Variants in UBAP1 observed in about 807,000 individuals in gnomAD.
UBAP1 encodes ubiquitin associated protein 1, also known as ubiquitin-associated protein 1.
In UBAP1, 5 loss-of-function variants were observed where a neutral mutation model predicts 39.0. The ratio of observed to expected loss-of-function variants is 0.13; its 90% confidence interval spans 0.07 to 0.27. The LOEUF (loss-of-function observed/expected upper bound fraction) is 0.27, where lower values mean the gene tolerates loss of function less well. UBAP1 is among the 10% of genes least tolerant of loss of function. The pLI, the probability that UBAP1 is intolerant of heterozygous loss-of-function variation, is 1.00. For synonymous variants in UBAP1, 211 were observed against 225.1 expected (o/e 0.94, Z 0.56); for missense variants, 490 against 608.1 (o/e 0.81, Z 2.04).
Position 34,241,802 on chromosome 9 carries a change from A to G in UBAP1, c.777A>G (p.Ala259=). ...SSKVSLPPIP[A]VSNIKSLSFP... The stretch of plus-strand genomic sequence containing the variant: ...AAGTGTCCCTCCCCCCTATACCTGC[A>G]GTAAGCAATATCAAATCCCTGTCTT... Residue 259 remains alanine, a synonymous_variant, in exon 4 of 7, where the codon GCA becomes GCG. Coordinates refer to ENST00000297661, the MANE Select transcript of UBAP1 (RefSeq NM_016525.5). The G allele has an allele frequency of 6.2e-7, 1 of 1,614,136 alleles. No individual in the cohort carries two copies.
chr9:34,251,395 A>G lies in UBAP1; in HGVS notation c.1372A>G (p.Met458Val). The change falls in exon 7 of 7, where the codon ATG (methionine) becomes GTG (valine). Residue 458 changes from methionine (M) to valine (V), a missense_variant. Around this residue, in one of 3 missense-constraint regions of UBAP1, gnomAD observed 339 missense variants for 390.0 expected, o/e 0.87. Coordinates refer to ENST00000297661, the MANE Select transcript of UBAP1 (RefSeq NM_016525.5). ...EMHQCSEEKMMEFLQLMSKFK... is the reference protein window; with the variant it reads ...EMHQCSEEKMVEFLQLMSKFK... ...TGTGTTCTCTTCTCTCCCTTAGATG[A>G]TGGAGTTTCTTCAGTTAATGAGCAA... 2.5e-6 allele frequency: 4 copies of G among 1,614,118 alleles called. No homozygotes were observed. Among genetic ancestry groups the G allele is most frequent in the Non-Finnish European group, 3.4e-6 (4 of 1,179,984 alleles).
In UBAP1 at chr9:34,196,898, TTGTGTGTGTG is replaced by T. The variant is rs777008697; in HGVS notation, c.-8+17688_-8+17697del. Among the ~76,000 whole-genome samples the T allele has an allele frequency of 4.5e-3, 630 of 141,426 alleles. 5 individuals carry two copies. Among genetic ancestry groups the T allele is most frequent in the African/African-American group, 0.015 (583 of 38,108 alleles). 92.8% of individuals were successfully genotyped at this position (141,426 alleles called of 152,430 possible). A position where few individuals can be genotyped will look rare whatever the true frequency, so the allele number is the denominator to read the frequency against. On this transcript the variant is annotated intron_variant, in intron 1 of 6. Coordinates refer to ENST00000297661, the MANE Select transcript of UBAP1 (RefSeq NM_016525.5). ...TGTATTGTCTTTCTAATATTGTTAT[TTGTGTGTGTG>T]TGTGTGTGTGTGTGTGTGTGTGTGT...
At chr9:34,240,380 AC>A (rs1454654471) in intron 3 of UBAP1, among the ~76,000 whole-genome samples, 1 of 151,724 alleles carries the variant, frequency 6.6e-6, no homozygotes, top group Non-Finnish European at 1.5e-5. Context: ...CCCCTTTTTT[AC>A]TTTTAGTGTG....
At chr9:34,229,012 T>C (rs1263168847) in intron 2 of UBAP1, among the ~76,000 whole-genome samples, 1 of 152,200 alleles carries the variant, frequency 6.6e-6, no homozygotes, top group Admixed American at 6.6e-5. Context: ...TTGGGGGATG[T>C]ACTAAATAAA....
chr9:34,236,139 C>T (rs569969685), intron 3 of UBAP1, among the ~76,000 whole-genome samples: 5 of 152,150 alleles, frequency 3.3e-5, no homozygotes, highest in African/African-American at 9.6e-5. Context: ...GGATTACAAG[C>T]GTGAGCCACT....
intron 1 of UBAP1, among the ~76,000 whole-genome samples, chr9:34,186,486 C>T (rs1830413120): frequency 6.6e-6 from 1 of 152,114 alleles, no homozygotes; most frequent in Admixed American, 6.6e-5. Context: ...AGTCAAGAGC[C>T]AGCAGTGTGT....
intron 1 of UBAP1, among the ~76,000 whole-genome samples, chr9:34,218,453 T>C (rs1832471551): frequency 1.3e-5 from 2 of 152,104 alleles, no homozygotes; most frequent in African/African-American, 2.4e-5. Flanking sequence ...ACAGCTGATA[T>C]CACACAATTT....
chr9:34,180,504 A>G (rs1259707069), intron 1 of UBAP1, among the ~76,000 whole-genome samples: 2 of 149,508 alleles, frequency 1.3e-5, no homozygotes, highest in African/African-American at 5.0e-5. Context: ...CGAGACTCCG[A>G]CTCAAAAAAA....
At position 34,241,652 on chromosome 9, in the gene UBAP1, A is replaced by T. The variant is rs1268027281; in HGVS notation, c.627A>T (p.Leu209Phe). ...CCAGGGGAGGCTCTGGGTCTGTGTT[A>T]CAGGATGAGGAGGTCCTGGCATCCT... ...NLPRGGSGSV[L>F]QDEEVLASLE... is the part of the protein sequence containing the mutation. Residue 209 changes from leucine to phenylalanine, a missense_variant, in exon 4 of 7, where the codon TTA (leucine) becomes TTT (phenylalanine). Leu to Phe is a conservative substitution (Grantham distance 22). This residue lies in a region of UBAP1 where 339 missense variants were observed against 390.0 expected (regional missense o/e 0.87). Transcript: ENST00000297661. The T allele has an allele frequency of 3.7e-6, 6 of 1,614,090 alleles. No individual in the cohort carries two copies. In the Admixed American group the frequency reaches 1.0e-4, roughly 27 times the overall value.
At chr9:34,224,912 C>T (rs1832965277) in intron 2 of UBAP1, among the ~76,000 whole-genome samples, 1 of 152,182 alleles carries the variant, frequency 6.6e-6, no homozygotes, top group African/African-American at 2.4e-5. Context: ...AGTTCATAGA[C>T]TTGCTTTCTT....
intron 1 of UBAP1, among the ~76,000 whole-genome samples, chr9:34,217,576 T>C (rs1832399108): frequency 1.3e-5 from 2 of 151,708 alleles, no homozygotes; most frequent in Admixed American, 1.3e-4. Context: ...AATTTTTGTT[T>C]TTTCAACTTT....
At chr9:34,216,642 ATTTTTTT>A (rs57204146) in intron 1 of UBAP1, among the ~76,000 whole-genome samples, 8 of 70,186 alleles carry the variant, frequency 1.1e-4, no homozygotes, top group Non-Finnish European at 1.6e-4. Flanking sequence ...CACCATGCTA[ATTTTTTT>A]TTTTTTTTTT....
chr9:34,182,605 TTC>T (rs1340144164), intron 1 of UBAP1, among the ~76,000 whole-genome samples: 3 of 150,802 alleles, frequency 2.0e-5, no homozygotes, highest in Non-Finnish European at 2.9e-5. Flanking sequence ...TTTTTTCTTT[TTC>T]TTTCTTTCCT....
chr9:34,215,609 C>T (rs539477347), intron 1 of UBAP1, among the ~76,000 whole-genome samples: 2 of 151,568 alleles, frequency 1.3e-5, no homozygotes, highest in South Asian at 2.1e-4. Flanking sequence ...ATGGGTGCAC[C>T]GAAATCTCAC....
chr9:34,227,181 G>C (rs752736903), intron 2 of UBAP1, among the ~76,000 whole-genome samples: 2 of 152,188 alleles, frequency 1.3e-5, no homozygotes, highest in Non-Finnish European at 2.9e-5. Flanking sequence ...TTTGTTGTTA[G>C]GATATGAGTA....
intron 1 of UBAP1, among the ~76,000 whole-genome samples, chr9:34,189,342 C>T (rs758035291): frequency 1.3e-5 from 2 of 151,886 alleles, no homozygotes; most frequent in Non-Finnish European, 2.9e-5. Context: ...GCACGTGCCA[C>T]CATGCCTGGC....
At chr9:34,219,714 TCCCTTCCCCTCCCCTCCCCCTCC>T (rs1274433862) in intron 1 of UBAP1, among the ~76,000 whole-genome samples, 1 of 42,100 alleles carries the variant, frequency 2.4e-5, no homozygotes. Context: ...TCCTCTCCCC[TCCCTTCCCCTCCCCTCCCCCTCC>T]CCCTTCCCCT....
rs150839581 is a variant in UBAP1 at position 34,242,108 on chromosome 9, G to A, written c.1083G>A (p.Thr361=). The change falls in exon 4 of 7, where the codon ACG becomes ACA. Residue 361 remains threonine (T), a splice_region_variant and synonymous_variant. Coordinates refer to ENST00000297661, the MANE Select transcript of UBAP1 (RefSeq NM_016525.5). ...CATCACCTCCAAATACTGGTCCCAC[G>A]GTAAGTCTTTTAAATCCCCCGCCGA... The part of the protein sequence containing the change: ...EESSPPNTGP[T]VTPPNFSVSQ... The A allele has an allele frequency of 3.8e-6, 6 of 1,578,390 alleles. No individual in the cohort carries two copies. The East Asian group carries it at 6.8e-5, about 18-fold the overall frequency.
intron 4 of UBAP1, among the ~76,000 whole-genome samples, chr9:34,242,970 A>T (rs946325846): frequency 1.2e-4 from 19 of 152,228 alleles, no homozygotes; most frequent in African/African-American, 3.9e-4. Context: ...GGCCTGCTTT[A>T]CAAGTCCCAG....
Sources: gnomAD v4.1 joint callset for allele counts (sites outside exome capture counted in the v4.1 genomes callset) on GRCh38, gnomAD v4.1.1 for gene constraint, gnomAD v4.1.1 regional missense constraint, MANE v1.5 for transcripts, NCBI Gene and HGNC (gene_info 2026-07-23, HGNC 2026-07-21) for gene names.